Variants in GIPR observed in about 807,000 individuals in gnomAD.
GIPR encodes the protein gastric inhibitory polypeptide receptor.
In GIPR, 74 loss-of-function variants were observed where a neutral mutation model predicts 62.2. That is an observed-to-expected ratio of 1.19 (90% CI 0.99 to 1.44). The LOEUF is 1.44. Ranked by LOEUF, GIPR falls within the 40% of genes most tolerant of loss-of-function variation. The probability of loss-of-function intolerance (pLI) is 0.00; values close to 1 mark genes in which losing one functional copy is unlikely to be tolerated. For missense variants in GIPR, 664 were observed against 611.8 expected, an observed-to-expected ratio of 1.09 and a Z score of -0.90; for synonymous variants, 256 against 262.2, an observed-to-expected ratio of 0.98 and a Z score of 0.23.
At chr19:45,668,564 C>A (rs1975378319) in intron 1 of GIPR, among the ~76,000 whole-genome samples, 1 of 152,204 alleles carries the variant, frequency 6.6e-6, no homozygotes, top group Admixed American at 6.6e-5. Flanking sequence ...GCGTCTCTTT[C>A]TCTGTTTGTT....
chr19:45,675,987 C>T (rs186222586), intron 7 of GIPR, among the ~76,000 whole-genome samples: 6 of 152,204 alleles, frequency 3.9e-5, no homozygotes, highest in Admixed American at 3.9e-4. Flanking sequence ...AGGCAGGACA[C>T]AAGGTCAGGA....
rs1397144828 is a variant in GIPR at position 45,678,371 on chromosome 19, T to C, written c.1152+145T>C. 8 of 902,186 alleles carry C rather than the reference T, an allele frequency of 8.9e-6. No individual in the cohort carries two copies. The Admixed American group carries it at 1.7e-4, about 19-fold the overall frequency. The allele number at this position is 902,186 out of a possible 1,614,324, so 55.9% of individuals were successfully genotyped here. A position where few individuals can be genotyped will look rare whatever the true frequency, so the allele number is the denominator to read the frequency against. On this transcript the variant is annotated intron_variant, in intron 12 of 13. Transcript: ENST00000590918. ...GTTCGTTCATTAATTAATTCATTCT[T>C]TTTTTTTTTTGAGACGGATTCTCGC... is the stretch of plus-strand genomic sequence containing the variant.
intron 13 of GIPR, 23 bp downstream of exon 13, chr19:45,681,668 C>T: frequency 1.2e-6 from 2 of 1,612,578 alleles, no homozygotes; most frequent in South Asian, 1.1e-5. Context: ...CCGGCCGCCG[C>T]CCCCGCCCTC....
In GIPR at chr19:45,677,165, A is replaced by C; in HGVS notation, c.793+57A>C. 3.8e-6 allele frequency: 6 copies of C among 1,578,376 alleles called. No homozygotes were observed. In the East Asian group the frequency reaches 1.4e-4, roughly 36 times the overall value. On this transcript the variant is annotated intron_variant, in intron 8 of 13. Coordinates refer to ENST00000590918, the MANE Select transcript of GIPR (RefSeq NM_000164.4). ...AGCGCGCCTCTCCTCGGCTCCCCCA[A>C]CTGCCCTGCTGGTTGGCCTCTGCGG... is the stretch of plus-strand genomic sequence containing the variant.
At position 45,674,685 on chromosome 19, in the gene GIPR, G is replaced by A; in HGVS notation, c.492G>A (p.Arg164=). The A allele has an allele frequency of 6.2e-7, 1 of 1,613,936 alleles. No homozygotes were observed. Among genetic ancestry groups the A allele is most frequent in the Non-Finnish European group, 8.5e-7 (1 of 1,179,954 alleles). The part of the protein sequence containing the change: ...LALLILSLFR[R]LHCTRNYIHI... The stretch of plus-strand genomic sequence containing the variant: ...ACTGCCTTCCAAATTCCCCTAGGCG[G>A]CTACATTGCACTAGAAACTATATCC... Residue 164 remains arginine, a synonymous_variant, in exon 7 of 14, where the codon CGG becomes CGA. Transcript: ENST00000590918.
Position 45,671,271 on chromosome 19 carries a change from G to A in GIPR, c.173-14G>A, listed in dbSNP as rs778183222. Reference sequence around the variant, plus strand: ...TAGGTCCACTGGGCACCTGGCCCCCGTGCCCACCCCCAGGCCTCGCCTGTA... The same window carrying A: ...TAGGTCCACTGGGCACCTGGCCCCCATGCCCACCCCCAGGCCTCGCCTGTA... On this transcript the variant is annotated splice_polypyrimidine_tract_variant and intron_variant, in intron 3 of 13. Transcript: ENST00000590918. 58 of 1,553,362 alleles carry A rather than the reference G, an allele frequency of 3.7e-5. 1 individual carries two copies. In the South Asian group the frequency reaches 3.9e-4, roughly 10 times the overall value.
chr19:45,676,198 G>A lies in GIPR; in HGVS notation c.634-751G>A, dbSNP rs574275805. Among the ~76,000 whole-genome samples, 4 of 105,064 alleles carry A rather than the reference G, an allele frequency of 3.8e-5. No individual in the cohort carries two copies. In the South Asian group the frequency reaches 1.3e-3, roughly 34 times the overall value. The allele number at this position is 105,064 out of a possible 152,430, so 68.9% of individuals were successfully genotyped here. A position where few individuals can be genotyped will look rare whatever the true frequency, so the allele number is the denominator to read the frequency against. ...AGCCTGGGCGACAGAGCAAGGCTCC[G>A]TCTAAAAAAAAAAAAAAAAAAAAGA... is the stretch of plus-strand genomic sequence containing the variant. On this transcript the variant is annotated intron_variant, in intron 7 of 13. Transcript: ENST00000590918.
In GIPR at chr19:45,678,142, G is replaced by A; in HGVS notation, c.1068G>A (p.Val356=). The A allele has an allele frequency of 1.9e-6, 3 of 1,611,176 alleles. No individual in the cohort carries two copies. Among genetic ancestry groups the A allele is most frequent in the Non-Finnish European group, 2.5e-6 (3 of 1,179,304 alleles). ...CCCTGCTGGGTGTCCACGAGGTGGT[G>A]TTTGCTCCCGTGACAGAGGAACAGG... ...LVPLLGVHEV[V]FAPVTEEQAR... Residue 356 remains valine, a synonymous_variant, in exon 12 of 14, where the codon GTG becomes GTA. Coordinates refer to ENST00000590918, the MANE Select transcript of GIPR (RefSeq NM_000164.4).
At chr19:45,680,113 G>A (rs904067387) in intron 12 of GIPR, among the ~76,000 whole-genome samples, 1 of 152,140 alleles carries the variant, frequency 6.6e-6, no homozygotes, top group South Asian at 2.1e-4. Flanking sequence ...GCTGCCGGGC[G>A]CGGTGCCTCA....
intron 2 of GIPR, among the ~76,000 whole-genome samples, chr19:45,669,984 G>C (rs1027370134): frequency 2.0e-5 from 3 of 151,670 alleles, no homozygotes; most frequent in Non-Finnish European, 4.4e-5. Flanking sequence ...AGCGCAAAGA[G>C]AGTTTCAAGA....
rs1352444741 is a variant in GIPR at position 45,681,783 on chromosome 19, G to A, written c.1249G>A (p.Gly417Ser). The change falls in exon 14 of 14, where the codon GGC becomes AGC. Residue 417 changes from glycine (G) to serine (S), a missense_variant. Transcript: ENST00000590918. ...CCACTGCCGCCTGCGCCGCAGCCTG[G>A]GCGAGGAGCAACGCCAGCTCCCGGA... is the stretch of plus-strand genomic sequence containing the variant. ...WHHCRLRRSL[G>S]EEQRQLPERA... The A allele has an allele frequency of 3.1e-6, 5 of 1,596,606 alleles. No individual in the cohort carries two copies. The highest frequency in any genetic ancestry group is 4.3e-6 in the Non-Finnish European group (5 of 1,171,426).
chr19:45,676,904 C>T, intron 7 of GIPR, 45 bp from the exon 8 acceptor site: 1 of 1,589,958 alleles, frequency 6.3e-7, no homozygotes, highest in Non-Finnish European at 8.6e-7. Flanking sequence ...TGGGAGACAC[C>T]CGGGCAGCGC....
chr19:45,681,775 G>T lies in GIPR; in HGVS notation c.1241G>T (p.Arg414Leu). Reference sequence around the variant, plus strand: ...GGCTGGCACCACTGCCGCCTGCGCCGCAGCCTGGGCGAGGAGCAACGCCAG... The same window carrying T: ...GGCTGGCACCACTGCCGCCTGCGCCTCAGCCTGGGCGAGGAGCAACGCCAG... ...RRGWHHCRLR[R>L]SLGEEQRQLP... The change falls in exon 14 of 14, where the codon CGC becomes CTC. Residue 414 changes from arginine (R) to leucine (L), a missense_variant. Transcript: ENST00000590918. 1 of 1,599,942 alleles carries T rather than the reference G, an allele frequency of 6.3e-7. No homozygotes were observed. The highest frequency in any genetic ancestry group is 8.5e-7 in the Non-Finnish European group (1 of 1,173,214).
In GIPR at chr19:45,681,741, A is replaced by T; in HGVS notation, c.1207A>T (p.Ile403Phe). 1 of 1,610,176 alleles carries T rather than the reference A, an allele frequency of 6.2e-7. No homozygotes were observed. The highest frequency in any genetic ancestry group is 8.5e-7 in the Non-Finnish European group (1 of 1,178,194). ...CATCGTCTCACAGGTGCAGTCGGAG[A>T]TCCGCCGTGGCTGGCACCACTGCCG... is the stretch of plus-strand genomic sequence containing the variant. ...CFINKEVQSE[I>F]RRGWHHCRLR... Residue 403 changes from isoleucine to phenylalanine, a missense_variant, in exon 14 of 14, where the codon ATC becomes TTC. By Grantham distance (21) the Ile-to-Phe change is conservative. Transcript: ENST00000590918.
intron 1 of GIPR, among the ~76,000 whole-genome samples, chr19:45,669,203 C>A (rs1020257280): frequency 2.0e-5 from 3 of 152,148 alleles, no homozygotes; most frequent in Non-Finnish European, 2.9e-5. Flanking sequence ...AAACACCCCC[C>A]CCTTCCACCT....
At chr19:45,677,231 C>T in intron 8 of GIPR, 92 bp from the exon 9 acceptor site, 3 of 1,375,158 alleles carry the variant, frequency 2.2e-6, no homozygotes, top group Non-Finnish European at 3.0e-6. Context: ...CCCACCCCGA[C>T]AGAGGAATTC....
chr19:45,674,687 T>A lies in GIPR; in HGVS notation c.494T>A (p.Leu165Gln). ...ALLILSLFRRLHCTRNYIHIN... is the reference protein window; with the variant it reads ...ALLILSLFRRQHCTRNYIHIN... The stretch of plus-strand genomic sequence containing the variant: ...TGCCTTCCAAATTCCCCTAGGCGGC[T>A]ACATTGCACTAGAAACTATATCCAC... The change falls in exon 7 of 14, where the codon CTA (leucine) becomes CAA (glutamine). Residue 165 changes from leucine (L) to glutamine (Q), a missense_variant. Physicochemically the swap from Leu to Gln is moderately radical, Grantham distance 113. Coordinates refer to ENST00000590918, the MANE Select transcript of GIPR (RefSeq NM_000164.4). 1 of 1,613,908 alleles carries A rather than the reference T, an allele frequency of 6.2e-7. No homozygotes were observed. The highest frequency in any genetic ancestry group is 8.5e-7 in the Non-Finnish European group (1 of 1,179,952).
At chr19:45,680,408 T>C (rs1412321735) in intron 12 of GIPR, among the ~76,000 whole-genome samples, 1 of 151,712 alleles carries the variant, frequency 6.6e-6, no homozygotes, top group Non-Finnish European at 1.5e-5. Flanking sequence ...ATGCCTGTAG[T>C]CTTAGCCACT....
Position 45,674,679 on chromosome 19 carries a change from T to G in GIPR, c.489-3T>G. On this transcript the variant is annotated splice_polypyrimidine_tract_variant and splice_region_variant and intron_variant, in intron 6 of 13. Coordinates refer to ENST00000590918, the MANE Select transcript of GIPR (RefSeq NM_000164.4). ...CCCCACACTGCCTTCCAAATTCCCCTAGGCGGCTACATTGCACTAGAAACT... is the reference window on the plus strand; with the variant it reads ...CCCCACACTGCCTTCCAAATTCCCCGAGGCGGCTACATTGCACTAGAAACT... 1 of 1,613,800 alleles carries G rather than the reference T, an allele frequency of 6.2e-7. No homozygotes were observed. The highest frequency in any genetic ancestry group is 8.5e-7 in the Non-Finnish European group (1 of 1,179,900).
Sources: allele counts gnomAD v4.1 joint callset (sites outside exome capture counted in the v4.1 genomes callset), GRCh38; gene constraint gnomAD v4.1.1; transcripts MANE v1.5; gene names NCBI Gene and HGNC (gene_info 2026-07-23, HGNC 2026-07-21).